Variants in HIP1R observed in about 807,000 individuals in gnomAD.
The protein encoded by HIP1R is huntingtin-interacting protein 1-related protein.
Under a neutral mutation model 144.2 loss-of-function variants are expected in HIP1R, and 135 were observed. That is an observed-to-expected ratio of 0.94 (90% confidence interval 0.81 to 1.08). The LOEUF is 1.08. Among genes scored for constraint, HIP1R ranks in the 50% least tolerant of loss-of-function variants. The probability of loss-of-function intolerance (pLI) is 0.00; values close to 1 mark genes in which losing one functional copy is unlikely to be tolerated. For missense variants in HIP1R, 1,462 were observed against 1,432.8 expected (o/e 1.02, Z -0.33); for synonymous variants, 698 against 612.8 (o/e 1.14, Z -2.05).
intron 1 of HIP1R, among the ~76,000 whole-genome samples, chr12:122,846,193 G>A (rs1317880791): frequency 1.3e-5 from 2 of 152,202 alleles, no homozygotes; most frequent in African/African-American, 2.4e-5. Flanking sequence ...CTCCTGCCCT[G>A]GGAGCCCCTC....
At position 122,854,095 on chromosome 12, in the gene HIP1R, G is replaced by A; in HGVS notation, c.630G>A (p.Gln210=). ...AIAVSQMSSG[Q]CRLAPLIQVI... is the part of the protein sequence containing the mutation. Reference sequence around the variant, plus strand: ...CCGTATCCCAGATGTCCTCAGGCCAGTGCCGCCTGGCCCCCCTCATCCAGG... The same window carrying A: ...CCGTATCCCAGATGTCCTCAGGCCAATGCCGCCTGGCCCCCCTCATCCAGG... The change falls in exon 8 of 32, where the codon CAG becomes CAA. Residue 210 remains glutamine (Q), a synonymous_variant. Transcript: ENST00000253083. 1 of 1,613,904 alleles carries A rather than the reference G, an allele frequency of 6.2e-7. No individual in the cohort carries two copies. Among genetic ancestry groups the A allele is most frequent in the Non-Finnish European group, 8.5e-7 (1 of 1,179,952 alleles).
chr12:122,862,670 T>C lies in HIP1R; in HGVS notation c.*917T>C, dbSNP rs2033805395. On this transcript the variant is annotated 3_prime_UTR_variant, in exon 32 of 32. Transcript: ENST00000253083. Reference sequence around the variant, plus strand: ...CCTGCGGCTAGAGTGGGCTAGGCCCTGGCTTTGCCCGTCAGATTTGAACGA... The same window carrying C: ...CCTGCGGCTAGAGTGGGCTAGGCCCCGGCTTTGCCCGTCAGATTTGAACGA... 6.6e-6 allele frequency: 1 copy of C among 152,094 alleles called. No homozygotes were observed. The highest frequency in any genetic ancestry group is 6.5e-5 in the Admixed American group (1 of 15,292). The allele number at this position is 152,094 out of a possible 1,614,324, so 9.4% of individuals were successfully genotyped here. A position where few individuals can be genotyped will look rare whatever the true frequency, so the allele number is the denominator to read the frequency against.
chr12:122,836,360 C>G lies in HIP1R; in HGVS notation c.93+717C>G, dbSNP rs779453956. Among the ~76,000 whole-genome samples, 6 of 152,112 alleles carry G rather than the reference C, an allele frequency of 3.9e-5. No individual in the cohort carries two copies. Among genetic ancestry groups the G allele is most frequent in the Admixed American group, 1.3e-4 (2 of 15,276 alleles). On this transcript the variant is annotated intron_variant, in intron 1 of 31. Coordinates refer to ENST00000253083, the MANE Select transcript of HIP1R (RefSeq NM_003959.3). The surrounding 1 kb of genome is among the most constrained non-coding windows in gnomAD (Gnocchi z 4.1). Reference sequence around the variant, plus strand: ...GACAGACAGAAACTTCCTGGGGCTCCCTTCCTGCGCCTCCCACGCTTGTAA... The same window carrying G: ...GACAGACAGAAACTTCCTGGGGCTCGCTTCCTGCGCCTCCCACGCTTGTAA...
chr12:122,857,618 G>A, intron 18 of HIP1R: 2 of 357,598 alleles, frequency 5.6e-6, no homozygotes, highest in South Asian at 5.9e-5. Flanking sequence ...CAGTAGAACT[G>A]CTGGGTCTCA....
Position 122,848,456 on chromosome 12 carries a change from G to T in HIP1R, c.158-10G>T. 1 of 1,606,642 alleles carries T rather than the reference G, an allele frequency of 6.2e-7. No homozygotes were observed. The highest frequency in any genetic ancestry group is 1.1e-5 in the South Asian group (1 of 90,292). ...AGTCTCTGCTTCCACACTTGGCCTT[G>T]ACATTGCAGGCATCATTCTGGGCAC... On this transcript the variant is annotated splice_polypyrimidine_tract_variant and intron_variant, in intron 2 of 31. Coordinates refer to ENST00000253083, the MANE Select transcript of HIP1R (RefSeq NM_003959.3).
chr12:122,858,486 C>T lies in HIP1R; in HGVS notation c.2050+51C>T, dbSNP rs377521557. 298 of 1,420,868 alleles carry T rather than the reference C, an allele frequency of 2.1e-4. No homozygotes were observed. In the East Asian group the frequency reaches 3.0e-3, roughly 15 times the overall value. The allele number at this position is 1,420,868 out of a possible 1,614,324, so 88.0% of individuals were successfully genotyped here. On this transcript the variant is annotated intron_variant, in intron 20 of 31. Transcript: ENST00000253083. ...GGCGGGGGCTGTGTCCCAGTTCCAGCGCCCATGGCCACCTCTTGCCTTTTG... is the reference window on the plus strand; with the variant it reads ...GGCGGGGGCTGTGTCCCAGTTCCAGTGCCCATGGCCACCTCTTGCCTTTTG...
intron 18 of HIP1R, chr12:122,857,898 T>C: frequency 2.3e-6 from 1 of 441,312 alleles, no homozygotes. Context: ...TTTTAGGACC[T>C]TGAGCTCACG....
intron 1 of HIP1R, among the ~76,000 whole-genome samples, chr12:122,839,209 G>A (rs528316913): frequency 6.6e-6 from 1 of 152,378 alleles, no homozygotes; most frequent in South Asian, 2.1e-4. Flanking sequence ...AGGAGTACTG[G>A]AAATGCTAAT....
In HIP1R at chr12:122,860,903, T is replaced by C. The variant is rs751330217; in HGVS notation, c.2767-13T>C. The C allele has an allele frequency of 6.2e-7, 1 of 1,606,938 alleles. No homozygotes were observed. Among genetic ancestry groups the C allele is most frequent in the Non-Finnish European group, 8.5e-7 (1 of 1,177,120 alleles). On this transcript the variant is annotated splice_polypyrimidine_tract_variant and intron_variant, in intron 28 of 31. Coordinates refer to ENST00000253083, the MANE Select transcript of HIP1R (RefSeq NM_003959.3). ...TGGGAGACCTGGGCCCACCCTGACC[T>C]CTCGCCCCTCAGGTGAAGGCCAACA...
rs982197598 is a variant in HIP1R, at chr12:122,862,156, T to A, written c.*403T>A. ...TGGGGCTCCCTGCCTTCTGGACTCC[T>A]GAAGGTCGTGGATGGATGGAAGGCA... On this transcript the variant is annotated 3_prime_UTR_variant, in exon 32 of 32. Transcript: ENST00000253083. 1.1e-5 allele frequency: 2 copies of A among 186,540 alleles called. No individual in the cohort carries two copies. The highest frequency in any genetic ancestry group is 2.2e-5 in the Non-Finnish European group (2 of 90,796). 11.6% of individuals were successfully genotyped at this position (186,540 alleles called of 1,614,324 possible). A position where few individuals can be genotyped will look rare whatever the true frequency, so the allele number is the denominator to read the frequency against.
intron 18 of HIP1R, 118 bp downstream of exon 18, chr12:122,857,333 C>A: frequency 1.0e-6 from 1 of 967,180 alleles, no homozygotes; most frequent in Non-Finnish European, 1.6e-6. Flanking sequence ...ATACACGATG[C>A]ATCCTTTTGT....
intron 18 of HIP1R, chr12:122,857,817 C>T (rs1378703549): frequency 5.4e-6 from 2 of 369,020 alleles, no homozygotes; most frequent in Admixed American, 8.3e-5. Flanking sequence ...TTTGTGTTTC[C>T]CTGATAGCAA....
At chr12:122,855,525 G>C in intron 11 of HIP1R, 26 bp from the exon 12 acceptor site, 2 of 1,549,386 alleles carry the variant, frequency 1.3e-6, no homozygotes, top group Non-Finnish European at 1.7e-6. Flanking sequence ...ACAGGTGAGT[G>C]GGGTCACCAT....
At chr12:122,853,851 G>C (rs897013192) in intron 7 of HIP1R, 192 bp from the exon 8 acceptor site, 1 of 571,950 alleles carries the variant, frequency 1.7e-6, no homozygotes. Flanking sequence ...TGTTGTTGCC[G>C]TTGACCTCCT....
chr12:122,835,436 G>C, upstream of HIP1R: 1 of 1,141,398 alleles, frequency 8.8e-7, no homozygotes, highest in South Asian at 3.9e-5. Context: ...CTCCTCCCCG[G>C]CGGGCGGGCC....
rs1202562891 is a variant in HIP1R at position 122,840,123 on chromosome 12, C to T, written c.93+4480C>T. Among the ~76,000 whole-genome samples, 1 of 152,248 alleles carries T rather than the reference C, an allele frequency of 6.6e-6. No individual in the cohort carries two copies. Among genetic ancestry groups the T allele is most frequent in the East Asian group, 1.9e-4 (1 of 5,200 alleles). On this transcript the variant is annotated intron_variant, in intron 1 of 31. Coordinates refer to ENST00000253083, the MANE Select transcript of HIP1R (RefSeq NM_003959.3). The surrounding 1 kb of genome is among the most constrained non-coding windows in gnomAD (Gnocchi z 4.2). ...GCCCTCGTGGTGATGCCCGGCAGGCCGCTGACTTCCCGACCCCTGGGCTGC... is the reference window on the plus strand; with the variant it reads ...GCCCTCGTGGTGATGCCCGGCAGGCTGCTGACTTCCCGACCCCTGGGCTGC...
intron 27 of HIP1R, 68 bp downstream of exon 27, chr12:122,860,591 C>A: frequency 6.4e-7 from 1 of 1,564,360 alleles, no homozygotes; most frequent in African/African-American, 1.4e-5. Flanking sequence ...TGGGGTTCAA[C>A]AGGGTGCAGG....
Position 122,856,245 on chromosome 12 carries a change from C to T in HIP1R, c.1313-11C>T, listed in dbSNP as rs776555180. The T allele has an allele frequency of 9.9e-6, 16 of 1,613,448 alleles. No homozygotes were observed. Among genetic ancestry groups the T allele is most frequent in the African/African-American group, 2.7e-5 (2 of 74,880 alleles). On this transcript the variant is annotated splice_polypyrimidine_tract_variant and intron_variant, in intron 14 of 31. Transcript: ENST00000253083. ...CACACGGGGCATCACTGCCCCTCCT[C>T]TCGCCCCCAGGGAAGGCCAGTGCCA...
In HIP1R at chr12:122,861,032, G is replaced by A. The variant is rs1257271042; in HGVS notation, c.2883G>A (p.Glu961=). 1 of 1,613,704 alleles carries A rather than the reference G, an allele frequency of 6.2e-7. No homozygotes were observed. Among genetic ancestry groups the A allele is most frequent in the South Asian group, 1.1e-5 (1 of 91,086 alleles). Residue 961 remains glutamate (E), a synonymous_variant, in exon 29 of 32, where the codon GAG becomes GAA. Coordinates refer to ENST00000253083, the MANE Select transcript of HIP1R (RefSeq NM_003959.3). ...ASTKSGQEQI[E]DRDTMDFSGL... ...CCAAGTCAGGCCAGGAGCAGATTGA[G>A]GACAGAGGTGAGTGCCAGATGCCAA... is the stretch of plus-strand genomic sequence containing the variant.
Sources: allele counts gnomAD v4.1 joint callset (sites outside exome capture counted in the v4.1 genomes callset), GRCh38; gene constraint gnomAD v4.1.1; non-coding constraint Gnocchi (gnomAD v3.1); transcripts MANE v1.5; gene names NCBI Gene and HGNC (gene_info 2026-07-23, HGNC 2026-07-21).